Variants in ME3 observed in about 807,000 individuals in gnomAD.
ME3 encodes NADP-dependent malic enzyme, mitochondrial.
In ME3, 48 loss-of-function variants were observed where a neutral mutation model predicts 68.9. The observed-to-expected ratio is 0.70, with a 90% CI of 0.55 to 0.89. The LOEUF is 0.89. Ranked by LOEUF, ME3 falls within the 40% of genes least tolerant of loss-of-function variation. ME3 has a pLI of 0.00. For synonymous variants in ME3, 320 were observed against 318.8 expected (o/e 1.00, Z -0.04); for missense variants, 675 against 797.4 (o/e 0.85, Z 1.85).
In ME3 at chr11:86,533,128, A is replaced by G. The variant is rs574302441; in HGVS notation, c.467+23425T>C. On this transcript the variant is annotated intron_variant, in intron 4 of 14. Coordinates refer to ENST00000543262, the Ensembl canonical transcript of ME3. ...CTAGAAAAAGAAAAAACTGAGCCCAAAGTTAGCATAAGAAAGGAAATAACA... is the reference window on the plus strand; with the variant it reads ...CTAGAAAAAGAAAAAACTGAGCCCAGAGTTAGCATAAGAAAGGAAATAACA... 5.0e-4 allele frequency among the ~76,000 whole-genome samples: 76 copies of G among 152,226 alleles called. 2 individuals carry two copies. In the South Asian group the frequency reaches 0.015, roughly 31 times the overall value.
chr11:86,441,143 G>A (rs774382633), exon 15 of ME3: 3 of 848,226 alleles, frequency 3.5e-6, no homozygotes, highest in Non-Finnish European at 5.0e-6. Flanking sequence ...GTATGCCTTG[G>A]CATCTCCTCT....
intron 2 of ME3, among the ~76,000 whole-genome samples, chr11:86,588,408 T>C (rs1056691584): frequency 1.3e-5 from 2 of 152,222 alleles, no homozygotes; most frequent in Non-Finnish European, 2.9e-5. Context: ...GCTCTCACAC[T>C]GTAAGTGGGG....
At chr11:86,574,463 T>TATTTTTCTTC (rs1957984144) in intron 2 of ME3, among the ~76,000 whole-genome samples, 1 of 151,984 alleles carries the variant, frequency 6.6e-6, no homozygotes, top group African/African-American at 2.4e-5. Context: ...TCTGTTTGTT[T>TATTTTTCTTC]ATTTTTCTTC....
chr11:86,634,404 G>A (rs1944205461), intron 2 of ME3, among the ~76,000 whole-genome samples: 1 of 152,184 alleles, frequency 6.6e-6, no homozygotes, highest in African/African-American at 2.4e-5. Context: ...TGGTCAGCAT[G>A]CCCGTGGGAC....
chr11:86,612,832 G>T (rs1164672382), intron 2 of ME3, among the ~76,000 whole-genome samples: 1 of 152,036 alleles, frequency 6.6e-6, no homozygotes, highest in Non-Finnish European at 1.5e-5. Flanking sequence ...TGGATAGATT[G>T]CAAAAATCTT....
intron 8 of ME3, among the ~76,000 whole-genome samples, chr11:86,458,858 T>G (rs1371273970): frequency 1.3e-5 from 2 of 152,204 alleles, no homozygotes; most frequent in East Asian, 3.8e-4. Flanking sequence ...TTCCTGCCTG[T>G]CTGCCTCTTC....
chr11:86,513,225 T>C (rs1953662502), intron 4 of ME3, among the ~76,000 whole-genome samples: 2 of 152,246 alleles, frequency 1.3e-5, no homozygotes. Flanking sequence ...CATTTAAGTT[T>C]GAGCTACTAA....
intron 2 of ME3, among the ~76,000 whole-genome samples, chr11:86,577,643 A>T (rs1958190825): frequency 6.6e-6 from 1 of 152,204 alleles, no homozygotes; most frequent in African/African-American, 2.4e-5. Flanking sequence ...ATAACTTTTT[A>T]AAAAATGAGC....
intron 6 of ME3, among the ~76,000 whole-genome samples, chr11:86,488,495 A>G (rs1255638173): frequency 6.6e-6 from 1 of 152,114 alleles, no homozygotes; most frequent in East Asian, 1.9e-4. Context: ...AACAACCAGG[A>G]ATTTCAGTTC....
chr11:86,563,653 A>C (rs1194916933), intron 2 of ME3, among the ~76,000 whole-genome samples: 1 of 152,140 alleles, frequency 6.6e-6, no homozygotes, highest in Admixed American at 6.6e-5. Flanking sequence ...GTCCAGTTTT[A>C]ATCTTTTGCA....
At position 86,595,306 on chromosome 11, in the gene ME3, T is replaced by TAGAGAGAGAG. The variant is rs34224480; in HGVS notation, c.184-35493_184-35484dup. On this transcript the variant is annotated intron_variant, in intron 2 of 14. Transcript: ENST00000543262. ...ATATACATATACATATATATATATA[T>TAGAGAGAGAG]AGAGAGAGAGAGAGAGAGAGAGAGA... Among the ~76,000 whole-genome samples, 16 of 79,792 alleles carry TAGAGAGAGAG rather than the reference T, an allele frequency of 2.0e-4. 1 individual carries two copies. The highest frequency in any genetic ancestry group is 1.2e-4 in the African/African-American group (3 of 25,372). 52.3% of individuals were successfully genotyped at this position (79,792 alleles called of 152,430 possible).
chr11:86,561,999 C>T (rs564667929), intron 2 of ME3, among the ~76,000 whole-genome samples: 201 of 152,318 alleles, frequency 1.3e-3, no homozygotes, highest in Non-Finnish European at 2.2e-3. Flanking sequence ...AAATGCATGT[C>T]ATGCATCTAC....
intron 7 of ME3, among the ~76,000 whole-genome samples, chr11:86,471,740 G>T (rs1161718709): frequency 6.6e-6 from 1 of 152,204 alleles, no homozygotes; most frequent in African/African-American, 2.4e-5. Flanking sequence ...AAGGTGGGAA[G>T]ACCATTTGAG....
At chr11:86,598,491 C>T (rs1486625772) in intron 2 of ME3, among the ~76,000 whole-genome samples, 2 of 152,254 alleles carry the variant, frequency 1.3e-5, no homozygotes, top group Admixed American at 1.3e-4. Context: ...GGAGGCCTGC[C>T]TGCCTCTGTA....
chr11:86,523,657 A>G lies in ME3; in HGVS notation c.468-14790T>C, dbSNP rs147167666. 6.9e-3 allele frequency among the ~76,000 whole-genome samples: 1,053 copies of G among 152,310 alleles called. 5 individuals are homozygous for G. The highest frequency in any genetic ancestry group is 0.011 in the Non-Finnish European group (774 of 68,040). Reference sequence around the variant, plus strand: ...CTCCATCTGTTCTTCTTGAATAAGAAGAATGCTGATAAGGTGTGCAAATAG... The same window carrying G: ...CTCCATCTGTTCTTCTTGAATAAGAGGAATGCTGATAAGGTGTGCAAATAG... On this transcript the variant is annotated intron_variant, in intron 4 of 14. Coordinates refer to ENST00000543262, the Ensembl canonical transcript of ME3.
At chr11:86,667,028 G>T (rs944074237) in intron 2 of ME3, among the ~76,000 whole-genome samples, 4 of 152,188 alleles carry the variant, frequency 2.6e-5, no homozygotes, top group Non-Finnish European at 2.9e-5. Flanking sequence ...GCTGAAATCT[G>T]TGCAGTCTCA....
At chr11:86,589,604 G>C (rs1958944283) in intron 2 of ME3, among the ~76,000 whole-genome samples, 2 of 152,132 alleles carry the variant, frequency 1.3e-5, no homozygotes, top group African/African-American at 4.8e-5. Flanking sequence ...TTAGACATTG[G>C]TCTTCCTATT....
In ME3 at chr11:86,505,266, G is replaced by T. The variant is rs1043061915; in HGVS notation, c.543+3526C>A. Among the ~76,000 whole-genome samples, 6 of 152,184 alleles carry T rather than the reference G, an allele frequency of 3.9e-5. No homozygotes were observed. In the East Asian group the frequency reaches 5.8e-4, roughly 15 times the overall value. On this transcript the variant is annotated intron_variant, in intron 5 of 14. Coordinates refer to ENST00000543262, the Ensembl canonical transcript of ME3. ...TAAAAGGGCACCTAGGGGTGGGGGG[G>T]GAGGAACCTCCAGAAAAAGGCCAGT...
chr11:86,524,141 T>G lies in ME3; in HGVS notation c.468-15274A>C, dbSNP rs927539146. Among the ~76,000 whole-genome samples the G allele has an allele frequency of 3.9e-5, 6 of 152,340 alleles. 1 individual carries two copies. The highest frequency in any genetic ancestry group is 6.8e-3 in the Middle Eastern group (2 of 294). On this transcript the variant is annotated intron_variant, in intron 4 of 14. Transcript: ENST00000543262. ...GGCACAGACCCACACATGCCTCCAC[T>G]TTATAAAACAAACACCTTCCTGACG... is the stretch of plus-strand genomic sequence containing the variant.
Sources: gnomAD v4.1 joint callset for allele counts (sites outside exome capture counted in the v4.1 genomes callset) on GRCh38, gnomAD v4.1.1 for gene constraint, MANE v1.5 for transcripts, NCBI Gene and HGNC (gene_info 2026-07-23, HGNC 2026-07-21) for gene names.